The following VPS26C variants were observed in gnomAD, a reference collection of about 807,000 sequenced individuals.
VPS26C encodes the protein vacuolar protein sorting-associated protein 26C.
A neutral mutation model predicts 30.6 loss-of-function variants in VPS26C; 19 were observed. The ratio of observed to expected loss-of-function variants is 0.62; its 90% CI spans 0.43 to 0.91. The LOEUF is 0.91. VPS26C is among the 40% of genes least tolerant of loss of function. VPS26C has a pLI of 0.00. For missense variants in VPS26C, 318 were observed against 385.1 expected (o/e 0.83, Z 1.46); for synonymous variants, 132 against 151.5 (o/e 0.87, Z 0.95).
intron 1 of VPS26C, among the ~76,000 whole-genome samples, chr21:37,265,923 T>C (rs934138831): frequency 1.4e-5 from 2 of 143,496 alleles, no homozygotes; most frequent in African/African-American, 2.6e-5. Flanking sequence ...TTTTTTTTTT[T>C]TTTTTTTTTT....
chr21:37,267,276 T>G lies in VPS26C; in HGVS notation c.19A>C (p.Ile7Leu). ...ACTTTATTCGCTCTTTTAATCTTGA[T>G]GTCCAGGGCGGTCCCCATCTCCAAT... MGTALD[I>L]KIKRANKVYH... The change falls in exon 1 of 8, where the codon ATC becomes CTC. Residue 7 changes from isoleucine to leucine, a missense_variant. By Grantham distance (5) the Ile-to-Leu change is conservative. Coordinates refer to ENST00000309117, the MANE Select transcript of VPS26C (RefSeq NM_006052.2). 6.2e-7 allele frequency: 1 copy of G among 1,611,136 alleles called. No individual in the cohort carries two copies. Among genetic ancestry groups the G allele is most frequent in the African/African-American group, 1.3e-5 (1 of 74,110 alleles).
chr21:37,231,270 A>G (rs2085960038), intron 5 of VPS26C, among the ~76,000 whole-genome samples: 1 of 152,238 alleles, frequency 6.6e-6, no homozygotes, highest in African/African-American at 2.4e-5. Context: ...AATACAGGAA[A>G]AGGAGATGAA....
intron 1 of VPS26C, among the ~76,000 whole-genome samples, chr21:37,259,199 T>C (rs1423702585): frequency 6.6e-6 from 1 of 152,046 alleles, no homozygotes; most frequent in Non-Finnish European, 1.5e-5. Flanking sequence ...AAGTAGAATA[T>C]TTAAGCTTAA....
chr21:37,238,996 GC>G (rs2086055350), intron 2 of VPS26C, among the ~76,000 whole-genome samples: 1 of 152,288 alleles, frequency 6.6e-6, no homozygotes, highest in Admixed American at 6.5e-5. Context: ...CCCTCACCGA[GC>G]CCCGTGCTCT....
intron 1 of VPS26C, among the ~76,000 whole-genome samples, chr21:37,266,389 G>A (rs1476088763): frequency 6.6e-6 from 1 of 152,114 alleles, no homozygotes; most frequent in African/African-American, 2.4e-5. Context: ...CAACCACTGC[G>A]ATCAATTTTA....
chr21:37,267,313 G>C lies in VPS26C; in HGVS notation c.-19C>G, dbSNP rs1230225573. On this transcript the variant is annotated 5_prime_UTR_variant, in exon 1 of 8. Transcript: ENST00000309117. ...TCCCCATCTCCAATTCTCCGCAGCA[G>C]CCGCCACTTCCGGCTGCGCGTGACC... 6.3e-7 allele frequency: 1 copy of C among 1,594,628 alleles called. No individual in the cohort carries two copies. The highest frequency in any genetic ancestry group is 1.7e-5 in the Admixed American group (1 of 59,188).
intron 1 of VPS26C, among the ~76,000 whole-genome samples, chr21:37,258,398 G>A (rs1430704103): frequency 3.9e-5 from 6 of 152,160 alleles, no homozygotes; most frequent in Non-Finnish European, 5.9e-5. Flanking sequence ...AGGAACATGC[G>A]ATGTGACGTG....
At chr21:37,250,042 G>A (rs979667231) in intron 1 of VPS26C, among the ~76,000 whole-genome samples, 14 of 152,186 alleles carry the variant, frequency 9.2e-5, no homozygotes, top group Non-Finnish European at 1.9e-4. Flanking sequence ...GGTGGCTCAC[G>A]CCTGTAATCC....
At chr21:37,251,416 CCTT>C (rs1389699786) in intron 1 of VPS26C, among the ~76,000 whole-genome samples, 1 of 152,172 alleles carries the variant, frequency 6.6e-6, no homozygotes, top group East Asian at 1.9e-4. Flanking sequence ...AGAACTGACT[CCTT>C]ATTGCATATG....
intron 1 of VPS26C, among the ~76,000 whole-genome samples, chr21:37,259,288 CT>C (rs75704567): frequency 0.16 from 24,068 of 150,552 alleles, 2,416 homozygotes; most frequent in Non-Finnish European, 0.22. Context: ...AGGGTTTCTC[CT>C]TTTTTTTTCA....
chr21:37,227,949 A>G (rs2085919693), intron 6 of VPS26C, 143 bp from the exon 7 acceptor site: 2 of 1,163,116 alleles, frequency 1.7e-6, no homozygotes, highest in Non-Finnish European at 2.4e-6. Context: ...GGCTACTGCT[A>G]AGGCACAGCC....
chr21:37,261,648 CAT>C (rs1420908185), intron 1 of VPS26C: 1 of 133,762 alleles, frequency 7.5e-6, no homozygotes, highest in Non-Finnish European at 1.6e-5. Context: ...CTATACAACT[CAT>C]GTCAAAAAAA....
chr21:37,228,498 CACAAAACGGGA>C, intron 5 of VPS26C, 125 bp from the exon 6 acceptor site: 1 of 1,039,842 alleles, frequency 9.6e-7, no homozygotes, highest in South Asian at 1.6e-5. Flanking sequence ...GGGACCGTCT[CACAAAACGGGA>C]AGAAAGGAGC....
At chr21:37,249,239 G>C (rs1290232013) in intron 1 of VPS26C, among the ~76,000 whole-genome samples, 1 of 152,154 alleles carries the variant, frequency 6.6e-6, no homozygotes, top group African/African-American at 2.4e-5. Flanking sequence ...GAGAGAGAAA[G>C]AGGTAATTCA....
rs2148277637 is a variant in VPS26C, at chr21:37,223,981, C to T, written c.*1563G>A. 6.6e-6 allele frequency: 1 copy of T among 152,358 alleles called. No individual in the cohort carries two copies. The highest frequency in any genetic ancestry group is 1.9e-4 in the East Asian group (1 of 5,186). 9.4% of individuals were successfully genotyped at this position (152,358 alleles called of 1,614,324 possible). Reference sequence around the variant, plus strand: ...AAGGAAGAAATGTATTGCAATAGTCCATATCCTTCGAACCACAAAGGGAGA... The same window carrying T: ...AAGGAAGAAATGTATTGCAATAGTCTATATCCTTCGAACCACAAAGGGAGA... On this transcript the variant is annotated 3_prime_UTR_variant, in exon 8 of 8. Transcript: ENST00000309117.
intron 1 of VPS26C, among the ~76,000 whole-genome samples, chr21:37,255,850 C>CTTTTTTTTTTTTT (rs2086236577): frequency 1.6e-5 from 1 of 63,488 alleles, no homozygotes; most frequent in African/African-American, 9.2e-5. Flanking sequence ...CTATGCACTG[C>CTTTTTTTTTTTTT]ATTTTTTTTT....
Position 37,257,400 on chromosome 21 carries a change from C to T in VPS26C, c.57+9838G>A, listed in dbSNP as rs1440681598. 6.6e-6 allele frequency among the ~76,000 whole-genome samples: 1 copy of T among 152,214 alleles called. No homozygotes were observed. Among genetic ancestry groups the T allele is most frequent in the Non-Finnish European group, 1.5e-5 (1 of 68,040 alleles). ...GACCACGCTCTTCCGAAGCGTCTGGCCTGTGTGCTCTCGGGGAGGGGACGC... is the reference window on the plus strand; with the variant it reads ...GACCACGCTCTTCCGAAGCGTCTGGTCTGTGTGCTCTCGGGGAGGGGACGC... On this transcript the variant is annotated intron_variant, in intron 1 of 7. Coordinates refer to ENST00000309117, the MANE Select transcript of VPS26C (RefSeq NM_006052.2). The surrounding 1 kb of genome is among the most constrained non-coding windows in gnomAD (Gnocchi z 4.2).
At chr21:37,232,538 A>C in intron 4 of VPS26C, 87 bp from the exon 5 acceptor site, 9 of 1,139,762 alleles carry the variant, frequency 7.9e-6, no homozygotes, top group Non-Finnish European at 1.2e-5. Context: ...AAATAAACCA[A>C]CGGCAGCCTG....
At chr21:37,227,593 C>G (rs1453829554) in intron 7 of VPS26C, 61 bp downstream of exon 7, 2 of 1,585,290 alleles carry the variant, frequency 1.3e-6, no homozygotes, top group African/African-American at 2.7e-5. Flanking sequence ...CCACAGCAGG[C>G]CCTGGCGCTG....
Sources: allele counts gnomAD v4.1 joint callset (sites outside exome capture counted in the v4.1 genomes callset), GRCh38; gene constraint gnomAD v4.1.1; non-coding constraint Gnocchi (gnomAD v3.1); transcripts MANE v1.5; gene names NCBI Gene and HGNC (gene_info 2026-07-23, HGNC 2026-07-21).